The following PACRG variants were observed in gnomAD, a reference collection of about 807,000 sequenced individuals.
PACRG encodes parkin coregulated gene protein.
In PACRG, 29 loss-of-function variants were observed where a neutral mutation model predicts 29.7. That is an observed-to-expected ratio of 0.98 (90% CI 0.73 to 1.33). The LOEUF is 1.33. Ranked by LOEUF, PACRG falls within the 40% of genes most tolerant of loss-of-function variation. The pLI, the probability that PACRG is intolerant of heterozygous loss-of-function variation, is 0.00. For missense variants in PACRG, 279 were observed against 316.2 expected (o/e 0.88, Z 0.89); for synonymous variants, 116 against 118.7 (o/e 0.98, Z 0.15).
At chr6:163,166,351 T>C in intron 4 of PACRG, 1 of 384,942 alleles carries the variant, frequency 2.6e-6, no homozygotes, top group Non-Finnish European at 5.2e-6. Flanking sequence ...AATTGGTATA[T>C]TGATACCCCA....
chr6:163,171,800 C>A (rs1239738713), intron 4 of PACRG, among the ~76,000 whole-genome samples: 2 of 152,098 alleles, frequency 1.3e-5, no homozygotes, highest in South Asian at 4.1e-4. Context: ...GCCCATGGGT[C>A]GGGACCCTGG....
chr6:163,259,045 G>T (rs983157285), intron 4 of PACRG, among the ~76,000 whole-genome samples: 5 of 152,122 alleles, frequency 3.3e-5, no homozygotes, highest in Admixed American at 6.5e-5. Flanking sequence ...CACATCAATG[G>T]TCATGGGGCA....
intron 1 of PACRG, among the ~76,000 whole-genome samples, chr6:162,748,741 A>T (rs1781289027): frequency 6.6e-6 from 1 of 152,124 alleles, no homozygotes; most frequent in Non-Finnish European, 1.5e-5. Flanking sequence ...CACCTCTACC[A>T]CATTTAACCC....
chr6:163,258,893 A>T (rs1482265592), intron 4 of PACRG, among the ~76,000 whole-genome samples: 1 of 152,208 alleles, frequency 6.6e-6, no homozygotes, highest in Non-Finnish European at 1.5e-5. Context: ...CGGTATCAAC[A>T]TCATTATGAT....
intron 2 of PACRG, among the ~76,000 whole-genome samples, chr6:163,027,150 G>A (rs1354816721): frequency 1.3e-5 from 2 of 152,186 alleles, no homozygotes; most frequent in Non-Finnish European, 2.9e-5. Context: ...ATTATAGGAT[G>A]AGAAATTTAC....
At chr6:162,852,851 T>C (rs1253367145) in intron 2 of PACRG, among the ~76,000 whole-genome samples, 1 of 152,228 alleles carries the variant, frequency 6.6e-6, no homozygotes, top group Non-Finnish European at 1.5e-5. Flanking sequence ...AATAATTCTT[T>C]TTAGTGATCT....
At chr6:163,076,036 T>A (rs980777952) in intron 3 of PACRG, among the ~76,000 whole-genome samples, 2 of 152,168 alleles carry the variant, frequency 1.3e-5, no homozygotes, top group Non-Finnish European at 2.9e-5. Flanking sequence ...CCAGACATAG[T>A]CTAGGGCCCA....
intron 2 of PACRG, among the ~76,000 whole-genome samples, chr6:163,025,818 A>G (rs1373563706): frequency 3.3e-5 from 5 of 152,244 alleles, no homozygotes; most frequent in Admixed American, 2.0e-4. Context: ...CAGGCCCAGG[A>G]CCATGTACAG....
At chr6:163,303,779 C>T (rs180837143) in intron 4 of PACRG, among the ~76,000 whole-genome samples, 38 of 151,708 alleles carry the variant, frequency 2.5e-4, no homozygotes, top group Admixed American at 9.2e-4. Flanking sequence ...GGGGCTGAGA[C>T]GGGGGGATCA....
chr6:163,185,646 G>A (rs1297186983), intron 4 of PACRG, among the ~76,000 whole-genome samples: 2 of 152,132 alleles, frequency 1.3e-5, no homozygotes, highest in South Asian at 2.1e-4. Flanking sequence ...GGAGGAAATC[G>A]CGGCATCATC....
chr6:162,961,490 A>G (rs947125754), intron 2 of PACRG, among the ~76,000 whole-genome samples: 1 of 152,206 alleles, frequency 6.6e-6, no homozygotes, highest in Non-Finnish European at 1.5e-5. Flanking sequence ...CTCCTGCATC[A>G]TGACTTTTGT....
At chr6:163,212,749 G>GTACATATAATTGT (rs57238242) in intron 4 of PACRG, among the ~76,000 whole-genome samples, 1 of 151,444 alleles carries the variant, frequency 6.6e-6, no homozygotes, top group African/African-American at 2.4e-5. Context: ...ATTATAAAGG[G>GTACATATAATTGT]AAGAAGAGTA....
intron 4 of PACRG, among the ~76,000 whole-genome samples, chr6:163,285,680 AG>A (rs767148636): frequency 2.0e-5 from 3 of 152,252 alleles, no homozygotes; most frequent in Non-Finnish European, 4.4e-5. Flanking sequence ...GTGATGGGGA[AG>A]GAATAATAAC....
At chr6:163,061,224 G>A (rs1811070561) in intron 2 of PACRG, among the ~76,000 whole-genome samples, 1 of 151,720 alleles carries the variant, frequency 6.6e-6, no homozygotes. Context: ...GTCTGAGTCT[G>A]TGGGCTCATT....
chr6:163,197,434 CTTTTTTTTTTTTTTT>C (rs57942658), intron 4 of PACRG, among the ~76,000 whole-genome samples: 3 of 106,270 alleles, frequency 2.8e-5, no homozygotes, highest in African/African-American at 6.9e-5. Context: ...CTTTTCTTTT[CTTTTTTTTTTTTTTT>C]TTTTTTTTTT....
At chr6:163,159,610 G>A (rs113319605) in intron 4 of PACRG, among the ~76,000 whole-genome samples, 45 of 151,940 alleles carry the variant, frequency 3.0e-4, no homozygotes, top group African/African-American at 7.5e-4. Flanking sequence ...TATAATGAGC[G>A]TTCTGGTAAG....
At chr6:163,135,372 A>C (rs575158722) in intron 4 of PACRG, among the ~76,000 whole-genome samples, 1 of 152,162 alleles carries the variant, frequency 6.6e-6, no homozygotes, top group African/African-American at 2.4e-5. Context: ...TATTTTTAGT[A>C]GAGACGGGGT....
At chr6:163,209,713 C>T (rs928291735) in intron 4 of PACRG, among the ~76,000 whole-genome samples, 51 of 152,072 alleles carry the variant, frequency 3.4e-4, no homozygotes, top group African/African-American at 1.2e-3. Flanking sequence ...ACAACATATC[C>T]AAGCCATAAT....
At chr6:162,791,016 T>C (rs1784890403) in intron 1 of PACRG, among the ~76,000 whole-genome samples, 2 of 152,226 alleles carry the variant, frequency 1.3e-5, no homozygotes, top group African/African-American at 2.4e-5. Flanking sequence ...TTTTTTATTA[T>C]TGTAAATGAA....
Sources: allele counts gnomAD v4.1 joint callset (sites outside exome capture counted in the v4.1 genomes callset), GRCh38; gene constraint gnomAD v4.1.1; transcripts MANE v1.5; gene names NCBI Gene and HGNC (gene_info 2026-07-23, HGNC 2026-07-21).